The following ANO4 variants were observed in gnomAD, a reference collection of about 807,000 sequenced individuals.
ANO4 encodes the protein anoctamin 4.
ANO4 carries 69 observed loss-of-function variants against 141.9 expected under a neutral mutation model. The observed-to-expected ratio is 0.49, with a 90% CI of 0.40 to 0.59. ANO4 has a LOEUF of 0.59. Among genes scored for constraint, ANO4 ranks in the 20% least tolerant of loss-of-function variants. ANO4 has a pLI of 0.00. For synonymous variants in ANO4, 350 were observed against 394.3 expected, an observed-to-expected ratio of 0.89 and a Z score of 1.33; for missense variants, 894 against 1,162.2, an observed-to-expected ratio of 0.77 and a Z score of 3.36.
At chr12:100,841,629 C>G (rs1003944398) in intron 1 of ANO4, among the ~76,000 whole-genome samples, 15 of 152,096 alleles carry the variant, frequency 9.9e-5, no homozygotes, top group African/African-American at 3.6e-4. Flanking sequence ...TAGGAAGATC[C>G]AGGGTGAACG....
intron 16 of ANO4, among the ~76,000 whole-genome samples, chr12:101,084,622 CTG>C (rs2049409769): frequency 6.6e-6 from 1 of 152,078 alleles, no homozygotes; most frequent in African/African-American, 2.4e-5. Context: ...AGTGAAGAAA[CTG>C]GGGAGATGAA....
At chr12:100,738,636 ATATT>A (rs536795084) in intron 2 of ANO4, among the ~76,000 whole-genome samples, 1 of 152,152 alleles carries the variant, frequency 6.6e-6, no homozygotes, top group East Asian at 1.9e-4. Flanking sequence ...AAAAGAACAT[ATATT>A]TATTTATTAA....
chr12:100,904,138 C>T (rs537932161), intron 2 of ANO4, among the ~76,000 whole-genome samples: 22 of 152,178 alleles, frequency 1.4e-4, no homozygotes, highest in African/African-American at 3.1e-4. Flanking sequence ...AGGGTAGGAC[C>T]GAACAAAACC....
At chr12:100,809,161 T>G (rs1345033240) in intron 1 of ANO4, among the ~76,000 whole-genome samples, 1 of 152,110 alleles carries the variant, frequency 6.6e-6, no homozygotes, top group African/African-American at 2.4e-5. Flanking sequence ...TGGGTGGATC[T>G]GGATCACTTG....
At chr12:100,772,545 A>G (rs2033344830) in intron 3 of ANO4, among the ~76,000 whole-genome samples, 1 of 152,162 alleles carries the variant, frequency 6.6e-6, no homozygotes, top group Non-Finnish European at 1.5e-5. Context: ...TGGGATGTCA[A>G]ATCCTCAGGG....
chr12:101,035,678 G>GA (rs2047165032), intron 9 of ANO4, among the ~76,000 whole-genome samples: 1 of 152,148 alleles, frequency 6.6e-6, no homozygotes, highest in African/African-American at 2.4e-5. Flanking sequence ...TGAAGCTTCT[G>GA]AATGAAAATA....
chr12:101,003,712 A>C (rs1200405069), intron 8 of ANO4, among the ~76,000 whole-genome samples: 1 of 152,256 alleles, frequency 6.6e-6, no homozygotes, highest in Admixed American at 6.5e-5. Flanking sequence ...CTGGTGATCT[A>C]TTGTATAGTA....
rs556573421 is a variant in ANO4, at chr12:100,828,701, G to A, written c.-141+33674G>A. ...ATCAGATAAAAGCAAAGGGTGGAAG[G>A]TGGAGATAGAAATACATATATGAAT... On this transcript the variant is annotated intron_variant, in intron 1 of 27. Coordinates refer to ENST00000392977, the MANE Select transcript of ANO4 (RefSeq NM_001286615.2). Among the ~76,000 whole-genome samples, 212 of 152,140 alleles carry A rather than the reference G, an allele frequency of 1.4e-3. 2 individuals carry two copies. The highest frequency in any genetic ancestry group is 4.8e-3 in the African/African-American group (199 of 41,546).
At chr12:100,861,186 G>A (rs2038453649) in intron 1 of ANO4, among the ~76,000 whole-genome samples, 1 of 152,152 alleles carries the variant, frequency 6.6e-6, no homozygotes, top group Non-Finnish European at 1.5e-5. Context: ...CCTCTAGCTA[G>A]CTACAGAGCA....
At chr12:100,733,765 T>C (rs1487327623) in intron 1 of ANO4, 2 of 699,508 alleles carry the variant, frequency 2.9e-6, no homozygotes, top group African/African-American at 3.5e-5. Context: ...TCTTTTATTT[T>C]CTTAACAGAC....
intron 7 of ANO4, among the ~76,000 whole-genome samples, chr12:100,985,447 T>C (rs1175119154): frequency 6.6e-6 from 1 of 152,198 alleles, no homozygotes; most frequent in East Asian, 1.9e-4. Flanking sequence ...GAATTGGGTA[T>C]CATTATCATG....
chr12:100,800,098 G>A (rs553291733), intron 1 of ANO4, among the ~76,000 whole-genome samples: 3 of 152,290 alleles, frequency 2.0e-5, no homozygotes, highest in South Asian at 4.1e-4. Flanking sequence ...GTGTGGAAAT[G>A]CATTTTTATG....
upstream of ANO4, among the ~76,000 whole-genome samples, chr12:100,794,266 A>G (rs2034166928): frequency 6.6e-6 from 1 of 152,172 alleles, no homozygotes; most frequent in Admixed American, 6.5e-5. Context: ...GACCCCTTGA[A>G]GGCACATCAG....
chr12:101,028,438 G>A (rs1458855812), intron 9 of ANO4, among the ~76,000 whole-genome samples: 1 of 152,104 alleles, frequency 6.6e-6, no homozygotes, highest in Non-Finnish European at 1.5e-5. Context: ...CTTGAAAAAA[G>A]GTTACAGGAG....
chr12:101,126,834 G>A, intron 26 of ANO4, 45 bp from the exon 27 acceptor site: 1 of 1,556,326 alleles, frequency 6.4e-7, no homozygotes, highest in African/African-American at 1.4e-5. Context: ...ACCTCATTCA[G>A]GATGCACAGT....
intron 1 of ANO4, among the ~76,000 whole-genome samples, chr12:100,817,457 A>G (rs1273379632): frequency 2.6e-5 from 4 of 151,884 alleles, no homozygotes; most frequent in African/African-American, 7.2e-5. Flanking sequence ...ATTCTAATGA[A>G]GCTATATGCA....
chr12:101,029,286 T>C (rs1481142918), intron 9 of ANO4, among the ~76,000 whole-genome samples: 1 of 152,002 alleles, frequency 6.6e-6, no homozygotes, highest in Non-Finnish European at 1.5e-5. Context: ...GTATGCAAAA[T>C]AACCAGATAG....
intron 1 of ANO4, among the ~76,000 whole-genome samples, chr12:100,834,800 G>A (rs902289611): frequency 9.9e-5 from 15 of 152,116 alleles, no homozygotes; most frequent in African/African-American, 3.1e-4. Flanking sequence ...CTAAGGAGGG[G>A]ACATTTGAAC....
rs144658244 is a variant in ANO4 at position 100,720,659 on chromosome 12, A to G, written c.22+3112A>G. 2.9e-3 allele frequency among the ~76,000 whole-genome samples: 440 copies of G among 152,190 alleles called. 3 individuals carry two copies. The highest frequency in any genetic ancestry group is 9.8e-3 in the African/African-American group (405 of 41,518). ...CTTTTAAATAATTTGACTCTCAACC[A>G]TTTGGATGACATTGGTTAGATACCT... On this transcript the variant is annotated intron_variant, in intron 1 of 29. Coordinates refer to the ANO4 transcript ENST00000644049.
Sources: allele counts gnomAD v4.1 joint callset (sites outside exome capture counted in the v4.1 genomes callset), GRCh38; gene constraint gnomAD v4.1.1; transcripts MANE v1.5; gene names NCBI Gene and HGNC (gene_info 2026-07-23, HGNC 2026-07-21).